The following RBFOX2 variants were observed in gnomAD, a reference collection of about 807,000 sequenced individuals.
RBFOX2 encodes RNA binding fox-1 homolog 2.
A neutral mutation model predicts 49.1 loss-of-function variants in RBFOX2; 10 were observed. That is an observed-to-expected ratio of 0.20 (90% CI 0.13 to 0.35). The LOEUF (loss-of-function observed/expected upper bound fraction) is 0.35, where lower values mean the gene tolerates loss of function less well. RBFOX2 is among the 10% of genes least tolerant of loss of function. The pLI, the probability that RBFOX2 is intolerant of heterozygous loss-of-function variation, is 1.00. For missense variants in RBFOX2, 323 were observed against 486.9 expected (o/e 0.66, Z 3.17); for synonymous variants, 183 against 187.4 (o/e 0.98, Z 0.19).
chr22:35,913,565 T>C (rs2050075145), intron 1 of RBFOX2, among the ~76,000 whole-genome samples: 1 of 151,338 alleles, frequency 6.6e-6, no homozygotes, highest in South Asian at 2.1e-4. Flanking sequence ...TGTGTGTATA[T>C]ATATATATAG....
At chr22:35,990,605 G>A (rs912034102) in intron 1 of RBFOX2, among the ~76,000 whole-genome samples, 1 of 152,188 alleles carries the variant, frequency 6.6e-6, no homozygotes, top group Non-Finnish European at 1.5e-5. Context: ...AATAGTTGGT[G>A]AAAGAGAAGA....
At chr22:36,004,766 A>T (rs1250676435) in intron 1 of RBFOX2, among the ~76,000 whole-genome samples, 1 of 152,108 alleles carries the variant, frequency 6.6e-6, no homozygotes, top group African/African-American at 2.4e-5. Flanking sequence ...ATTGTACTCC[A>T]GCCTGGGCGA....
intron 1 of RBFOX2, among the ~76,000 whole-genome samples, chr22:35,875,780 C>T (rs183060307): frequency 8.7e-4 from 133 of 152,056 alleles, no homozygotes; most frequent in African/African-American, 3.1e-3. Flanking sequence ...TCCTTATCCC[C>T]CTAGGAGTTT....
At chr22:35,913,017 G>A (rs1023314487) in intron 1 of RBFOX2, among the ~76,000 whole-genome samples, 2 of 152,098 alleles carry the variant, frequency 1.3e-5, no homozygotes, top group African/African-American at 4.8e-5. Context: ...ATTGTTAATG[G>A]TTTTGTCTAT....
intron 9 of RBFOX2, among the ~76,000 whole-genome samples, chr22:35,754,053 G>A (rs995392036): frequency 2.6e-4 from 39 of 151,148 alleles, no homozygotes; most frequent in African/African-American, 8.0e-4. Context: ...AAAGTGCTGC[G>A]ATTACACACG....
chr22:35,822,630 T>C (rs967602276), intron 1 of RBFOX2, among the ~76,000 whole-genome samples: 1 of 152,186 alleles, frequency 6.6e-6, no homozygotes, highest in Non-Finnish European at 1.5e-5. Flanking sequence ...GAGAAGAGCA[T>C]GTCACTGGCA....
chr22:35,879,821 C>G (rs2045642818), intron 1 of RBFOX2, among the ~76,000 whole-genome samples: 1 of 152,098 alleles, frequency 6.6e-6, no homozygotes, highest in Non-Finnish European at 1.5e-5. Flanking sequence ...TTACAAAAAC[C>G]TGGGCAAGAG....
chr22:35,938,775 C>G (rs2053383768), intron 1 of RBFOX2, 72 bp downstream of exon 2: 1 of 1,421,604 alleles, frequency 7.0e-7, no homozygotes, highest in Non-Finnish European at 9.9e-7. Context: ...GAAATGCTCT[C>G]TATCATAGCA....
chr22:35,748,301 G>A (rs983404468), intron 9 of RBFOX2: 11 of 152,094 alleles, frequency 7.2e-5, no homozygotes, highest in African/African-American at 2.7e-4. Flanking sequence ...GATATATGAA[G>A]ACTCTAATTA....
At chr22:35,797,505 C>CT (rs1949001388) in intron 2 of RBFOX2, among the ~76,000 whole-genome samples, 1 of 152,100 alleles carries the variant, frequency 6.6e-6, no homozygotes. Flanking sequence ...AAAATTAATA[C>CT]TTTTTACTGC....
In RBFOX2 at chr22:35,818,291, T is replaced by C. The variant is rs565243524; in HGVS notation, c.28-8287A>G. ...CTACTCTGGTTCAGCTACCTGCTTC[T>C]TTGGAAATGGAAGGCCCTTACAATT... On this transcript the variant is annotated intron_variant, in intron 1 of 11. Transcript: ENST00000405409. Among the ~76,000 whole-genome samples, 13 of 152,362 alleles carry C rather than the reference T, an allele frequency of 8.5e-5. No homozygotes were observed. In the South Asian group the frequency reaches 2.5e-3, roughly 29 times the overall value.
At position 35,750,385 on chromosome 22, in the gene RBFOX2, T is replaced by G. The variant is rs772633484; in HGVS notation, c.888-3824A>C. On this transcript the variant is annotated intron_variant, in intron 9 of 11. Coordinates refer to ENST00000405409, the Ensembl canonical transcript of RBFOX2. ...GCAAAACTGAAGCAACCATTAATAA[T>G]AAAAATTAAAAAGGACATATGTATT... 8 of 1,496,978 alleles carry G rather than the reference T, an allele frequency of 5.3e-6. No homozygotes were observed. The African/African-American group carries it at 1.1e-4, about 21-fold the overall frequency. The allele number at this position is 1,496,978 out of a possible 1,614,324, so 92.7% of individuals were successfully genotyped here.
chr22:35,856,739 T>TA (rs1165942755), intron 1 of RBFOX2, among the ~76,000 whole-genome samples: 2 of 151,502 alleles, frequency 1.3e-5, no homozygotes, highest in Non-Finnish European at 2.9e-5. Context: ...TCATTAGAAA[T>TA]ATGCAACACT....
chr22:35,765,100 A>C (rs1217876112), intron 6 of RBFOX2, among the ~76,000 whole-genome samples: 2 of 151,402 alleles, frequency 1.3e-5, no homozygotes, highest in Admixed American at 6.6e-5. Flanking sequence ...GGACAAGTCT[A>C]ACATATTAGA....
At chr22:35,793,170 G>A (rs553563778) in intron 2 of RBFOX2, among the ~76,000 whole-genome samples, 129 of 152,332 alleles carry the variant, frequency 8.5e-4, no homozygotes, top group East Asian at 1.4e-3. Context: ...TCAGGAGTTC[G>A]AGACCAGCCT....
At chr22:35,937,457 C>CA (rs2053219593) in intron 1 of RBFOX2, among the ~76,000 whole-genome samples, 1 of 152,180 alleles carries the variant, frequency 6.6e-6, no homozygotes, top group African/African-American at 2.4e-5. Flanking sequence ...TATCTGGGGC[C>CA]ACTCTGATAT....
intron 1 of RBFOX2, among the ~76,000 whole-genome samples, chr22:35,967,738 A>G (rs1028347475): frequency 6.6e-6 from 1 of 152,196 alleles, no homozygotes; most frequent in Non-Finnish European, 1.5e-5. Context: ...TGATTTCAAC[A>G]AAGAACAGGA....
chr22:35,864,186 A>G (rs1374205202), intron 1 of RBFOX2, among the ~76,000 whole-genome samples: 1 of 152,204 alleles, frequency 6.6e-6, no homozygotes, highest in African/African-American at 2.4e-5. Context: ...TGAACATAAA[A>G]TATCAAAAAA....
chr22:35,824,881 T>C (rs1955308976), intron 1 of RBFOX2, among the ~76,000 whole-genome samples: 1 of 152,222 alleles, frequency 6.6e-6, no homozygotes, highest in Admixed American at 6.5e-5. Flanking sequence ...ACTTCATTAT[T>C]ATCATTATCA....
Sources: gnomAD v4.1 joint callset for allele counts (sites outside exome capture counted in the v4.1 genomes callset) on GRCh38, gnomAD v4.1.1 for gene constraint, MANE v1.5 for transcripts, NCBI Gene and HGNC (gene_info 2026-07-23, HGNC 2026-07-21) for gene names.